Variants in KCNMA1 observed in about 807,000 individuals in gnomAD.
The protein encoded by KCNMA1 is Calcium-activated potassium channel subunit alpha-1.
KCNMA1 carries 29 observed loss-of-function variants against 140.0 expected under a neutral mutation model. The observed-to-expected ratio is 0.21, with a 90% CI of 0.15 to 0.28. The LOEUF is 0.28. KCNMA1 is among the 10% of genes least tolerant of loss of function. KCNMA1 has a pLI of 1.00. For synonymous variants in KCNMA1, 612 were observed against 611.9 expected (o/e 1.00, Z 0.00); for missense variants, 880 against 1,602.2 (o/e 0.55, Z 7.70).
rs764751316 is a variant in KCNMA1 at position 77,019,114 on chromosome 10, AAAAC to A, written c.1929-19_1929-16del. Reference sequence around the variant, plus strand: ...TAATTAATATACTGCTCAGTGAACAAAAACAAACAGAGAAGATACATTTGTGAGG... The same window carrying A: ...TAATTAATATACTGCTCAGTGAACAAAAACAGAGAAGATACATTTGTGAGG... On this transcript the variant is annotated splice_polypyrimidine_tract_variant and intron_variant, in intron 16 of 27. Transcript: ENST00000286628. The A allele has an allele frequency of 2.7e-5, 36 of 1,312,722 alleles. No homozygotes were observed. The highest frequency in any genetic ancestry group is 2.1e-4 in the East Asian group (9 of 43,332). The allele number at this position is 1,312,722 out of a possible 1,614,324, so 81.3% of individuals were successfully genotyped here. A position where few individuals can be genotyped will look rare whatever the true frequency, so the allele number is the denominator to read the frequency against.
At chr10:77,427,141 T>C (rs985721094) in intron 1 of KCNMA1, among the ~76,000 whole-genome samples, 1 of 152,220 alleles carries the variant, frequency 6.6e-6, no homozygotes, top group East Asian at 1.9e-4. Flanking sequence ...CAGCCCTTCC[T>C]GGTGCACATC....
At chr10:77,368,515 ATCTT>A (rs1566321135) in intron 2 of KCNMA1, among the ~76,000 whole-genome samples, 1 of 152,210 alleles carries the variant, frequency 6.6e-6, no homozygotes. Flanking sequence ...TCATAATAGT[ATCTT>A]TCACAGAATA....
At chr10:76,925,792 C>T (rs1590891941) in intron 23 of KCNMA1, among the ~76,000 whole-genome samples, 1 of 152,106 alleles carries the variant, frequency 6.6e-6, no homozygotes, top group Non-Finnish European at 1.5e-5. Flanking sequence ...AACCAGAACT[C>T]CAAAATCACG....
At chr10:77,134,997 C>CAAAAAAAAAAA (rs71028253) in intron 5 of KCNMA1, among the ~76,000 whole-genome samples, 191 of 11,770 alleles carry the variant, frequency 0.016, 57 homozygotes, top group Non-Finnish European at 0.025. Flanking sequence ...GACTCTGTCT[C>CAAAAAAAAAAA]AAAAAAAAAA....
chr10:77,217,569 A>T (rs781183119), intron 3 of KCNMA1: 6 of 456,392 alleles, frequency 1.3e-5, no homozygotes, highest in African/African-American at 1.2e-4. Flanking sequence ...CTGCCGAATG[A>T]AAACATGGAG....
At chr10:77,553,491 C>T (rs112683795) in intron 1 of KCNMA1, among the ~76,000 whole-genome samples, 1,843 of 152,262 alleles carry the variant, frequency 0.012, 48 homozygotes, top group African/African-American at 0.042. Context: ...GAAGTGCCCT[C>T]GCCTCCCTCC....
chr10:77,164,432 G>A (rs960860902), intron 5 of KCNMA1, among the ~76,000 whole-genome samples: 2 of 152,098 alleles, frequency 1.3e-5, no homozygotes, highest in Non-Finnish European at 1.5e-5. Context: ...CTAAATGGCA[G>A]TTTCAAGGCA....
At chr10:76,873,179 CTT>C (rs1431515413), downstream of KCNMA1, 1 of 152,074 alleles carries the variant, frequency 6.6e-6, no homozygotes, top group Non-Finnish European at 1.5e-5. Flanking sequence ...TCTGTGGTCT[CTT>C]AAGAAATAAA....
At chr10:77,237,984 G>T (rs1565417654) in intron 3 of KCNMA1, among the ~76,000 whole-genome samples, 1 of 152,134 alleles carries the variant, frequency 6.6e-6, no homozygotes, top group Non-Finnish European at 1.5e-5. Flanking sequence ...CTTCCAGAAT[G>T]CCAGGCACCC....
chr10:76,993,802 G>A (rs530700977), intron 19 of KCNMA1, among the ~76,000 whole-genome samples: 1 of 152,310 alleles, frequency 6.6e-6, no homozygotes, highest in South Asian at 2.1e-4. Flanking sequence ...AAAACCCTTG[G>A]CCTGGCCCCT....
rs2097328004 is a variant in KCNMA1 at position 77,439,087 on chromosome 10, A to AAGAG, written c.379-35065_379-35064insCTCT. Reference sequence around the variant, plus strand: ...CTCTCTCAAAAAAAGAAAGAAAAGAAAAGAGAAGAGAAGAGAAGAGAAGAG... The same window carrying AAGAG: ...CTCTCTCAAAAAAAGAAAGAAAAGAAAGAGAAGAGAAGAGAAGAGAAGAGAAGAG... On this transcript the variant is annotated intron_variant, in intron 1 of 27. Transcript: ENST00000286628. 1.2e-3 allele frequency among the ~76,000 whole-genome samples: 153 copies of AAGAG among 124,924 alleles called. 1 individual carries two copies. Among genetic ancestry groups the AAGAG allele is most frequent in the Non-Finnish European group, 1.5e-3 (90 of 59,542 alleles). 82.0% of individuals were successfully genotyped at this position (124,924 alleles called of 152,430 possible).
chr10:77,500,374 A>T (rs138723925), intron 1 of KCNMA1, among the ~76,000 whole-genome samples: 1,993 of 152,302 alleles, frequency 0.013, 20 homozygotes, highest in South Asian at 0.036. Flanking sequence ...GCAAAAATCA[A>T]GTGAGGCTCA....
intron 5 of KCNMA1, among the ~76,000 whole-genome samples, chr10:77,160,139 G>T (rs1438316126): frequency 1.3e-5 from 2 of 152,090 alleles, no homozygotes; most frequent in African/African-American, 4.8e-5. Context: ...CTTCTCCAAG[G>T]GTGTCAACGG....
chr10:77,490,532 A>G (rs186717925), intron 1 of KCNMA1, among the ~76,000 whole-genome samples: 17 of 152,356 alleles, frequency 1.1e-4, no homozygotes, highest in African/African-American at 4.1e-4. Context: ...TAATATTAAT[A>G]TGACTACTAC....
chr10:77,572,594 ATATATATAT>A (rs2071984492), intron 1 of KCNMA1, among the ~76,000 whole-genome samples: 1 of 104,748 alleles, frequency 9.5e-6, no homozygotes, highest in Non-Finnish European at 1.9e-5. Flanking sequence ...ATATATATAT[ATATATATAT>A]AAATTAGCTG....
intron 23 of KCNMA1, among the ~76,000 whole-genome samples, chr10:76,925,448 A>G (rs1241094542): frequency 6.6e-6 from 1 of 152,182 alleles, no homozygotes; most frequent in Non-Finnish European, 1.5e-5. Context: ...TATACATTAC[A>G]AGACAATGAT....
At chr10:77,017,875 C>CT (rs11458300) in intron 17 of KCNMA1, among the ~76,000 whole-genome samples, 71,331 of 151,842 alleles carry the variant, frequency 0.47, 17,197 homozygotes, top group Middle Eastern at 0.66. Flanking sequence ...CATGGGGTTG[C>CT]GTGAGAGTTT....
intron 1 of KCNMA1, among the ~76,000 whole-genome samples, chr10:77,474,324 T>C (rs1008919859): frequency 6.6e-6 from 1 of 152,208 alleles, no homozygotes; most frequent in African/African-American, 2.4e-5. Flanking sequence ...TGATTATGGT[T>C]AAATGAGGTC....
intron 1 of KCNMA1, among the ~76,000 whole-genome samples, chr10:77,567,473 A>G (rs2670164): frequency 0.91 from 139,173 of 152,212 alleles, 63,769 homozygotes; most frequent in South Asian, 0.97. Context: ...AACTACCGGC[A>G]GTTATGAACA....
Sources: allele counts gnomAD v4.1 joint callset (sites outside exome capture counted in the v4.1 genomes callset), GRCh38; gene constraint gnomAD v4.1.1; transcripts MANE v1.5; gene names NCBI Gene and HGNC (gene_info 2026-07-23, HGNC 2026-07-21).